The following FTCDNL1 variants were observed in gnomAD, a reference collection of about 807,000 sequenced individuals.
FTCDNL1 encodes formiminotransferase cyclodeaminase N-terminal like.
In FTCDNL1, 11 loss-of-function variants were observed where a neutral mutation model predicts 5.9. The ratio of observed to expected loss-of-function variants is 1.87; its 90% confidence interval spans 1.18 to 3.10. The LOEUF (loss-of-function observed/expected upper bound fraction) is 3.10. Among genes scored for constraint, FTCDNL1 ranks in the 30% most tolerant of loss-of-function variants. The pLI, the probability that FTCDNL1 is intolerant of heterozygous loss-of-function variation, is 0.00. For synonymous variants in FTCDNL1, 58 were observed against 24.8 expected (o/e 2.34, Z -3.99); for missense variants, 115 against 65.5 (o/e 1.76, Z -2.61).
At chr2:199,787,373 G>A (rs1187876168) in intron 3 of FTCDNL1, among the ~76,000 whole-genome samples, 2 of 151,846 alleles carry the variant, frequency 1.3e-5, no homozygotes, top group Admixed American at 1.3e-4. Context: ...TAGTAGAGAC[G>A]GGGTTTCACC....
Position 199,820,724 on chromosome 2 carries a change from T to TATC in FTCDNL1, c.212-970_212-968dup, listed in dbSNP as rs1334754930. Among the ~76,000 whole-genome samples, 31 of 152,220 alleles carry TATC rather than the reference T, an allele frequency of 2.0e-4. 1 individual carries two copies. Among genetic ancestry groups the TATC allele is most frequent in the Admixed American group, 2.0e-3 (31 of 15,278 alleles). Reference sequence around the variant, plus strand: ...TATCTGGATTCTCTGGATATGATTTTATCTTCTCAAGGCAAAATATAGAAT... The same window carrying TATC: ...TATCTGGATTCTCTGGATATGATTTTATCATCTTCTCAAGGCAAAATATAGAAT... On this transcript the variant is annotated intron_variant, in intron 3 of 4. Coordinates refer to ENST00000420128, the MANE Select transcript of FTCDNL1 (RefSeq NM_001363886.2).
intron 2 of FTCDNL1, among the ~76,000 whole-genome samples, chr2:199,848,630 C>T (rs1057369872): frequency 5.3e-5 from 8 of 152,194 alleles, no homozygotes; most frequent in African/African-American, 1.7e-4. Flanking sequence ...CGCTGCTGAG[C>T]GTATGCAGAC....
At chr2:199,806,940 G>T (rs943798216), downstream of FTCDNL1, among the ~76,000 whole-genome samples, 1 of 152,238 alleles carries the variant, frequency 6.6e-6, no homozygotes, top group African/African-American at 2.4e-5. Flanking sequence ...GTTGGTGAAA[G>T]GAGGGAGGGT....
intron 3 of FTCDNL1, among the ~76,000 whole-genome samples, chr2:199,783,505 A>G (rs1454352961): frequency 2.6e-5 from 4 of 152,152 alleles, no homozygotes; most frequent in Non-Finnish European, 5.9e-5. Flanking sequence ...ATTATCTCCA[A>G]GCTTCCTAGA....
chr2:199,699,055 A>T, the FTCDNL1 span, among the ~76,000 whole-genome samples: 1 of 152,224 alleles, frequency 6.6e-6, no homozygotes, highest in East Asian at 1.9e-4. Context: ...CAACTTTTCA[A>T]GATTGAATCA....
rs746885682 is a variant in FTCDNL1 at position 199,848,939 on chromosome 2, G to A, written c.24C>T (p.Leu8=). 1.4e-6 allele frequency: 1 copy of A among 702,194 alleles called. No individual in the cohort carries two copies. The highest frequency in any genetic ancestry group is 1.7e-5 in the African/African-American group (1 of 57,348). 43.5% of individuals were successfully genotyped at this position (702,194 alleles called of 1,614,324 possible). The change falls in exon 2 of 5, where the codon CTC becomes CTT. Residue 8 remains leucine (L), a synonymous_variant. Coordinates refer to ENST00000420128, the MANE Select transcript of FTCDNL1 (RefSeq NM_001363886.2). MSSSRVG[L]RLAACLLNVS... is the part of the protein sequence containing the mutation. ...CGTTTAGTAAACAGGCAGCCAAACGGAGCCCCACTCTGGAAGAAGACATGA... is the reference window on the plus strand; with the variant it reads ...CGTTTAGTAAACAGGCAGCCAAACGAAGCCCCACTCTGGAAGAAGACATGA...
intron 3 of FTCDNL1, among the ~76,000 whole-genome samples, chr2:199,765,532 T>TATATA (rs1553535894): frequency 1.1e-4 from 9 of 79,624 alleles, no homozygotes; most frequent in East Asian, 1.3e-3. Context: ...TTTGTCTTCA[T>TATATA]TATATATATA....
the FTCDNL1 span, among the ~76,000 whole-genome samples, chr2:199,706,159 C>A: frequency 6.6e-6 from 1 of 152,116 alleles, no homozygotes; most frequent in Non-Finnish European, 1.5e-5. Flanking sequence ...TGCTGCTATT[C>A]CCTGAATACA....
At chr2:199,739,114 T>A in the FTCDNL1 span, among the ~76,000 whole-genome samples, 1 of 152,224 alleles carries the variant, frequency 6.6e-6, no homozygotes, top group Non-Finnish European at 1.5e-5. Context: ...AATGTTTCCT[T>A]AAAGTGTATG....
rs900449769 is a variant in FTCDNL1 at position 199,809,739 on chromosome 2, C to T, written c.*2966G>A. ...AGTACTTCCTTGAAGTCATGCCCAA[C>T]ACCATCATGCCATCTCCCCAATATA... is the stretch of plus-strand genomic sequence containing the variant. On this transcript the variant is annotated 3_prime_UTR_variant, in exon 5 of 5. Coordinates refer to ENST00000420128, the MANE Select transcript of FTCDNL1 (RefSeq NM_001363886.2). Among the ~76,000 whole-genome samples, 9 of 152,200 alleles carry T rather than the reference C, an allele frequency of 5.9e-5. No individual in the cohort carries two copies. Among genetic ancestry groups the T allele is most frequent in the African/African-American group, 1.9e-4 (8 of 41,460 alleles).
chr2:199,803,191 CAAAAAAAA>C (rs71403491), intron 3 of FTCDNL1, among the ~76,000 whole-genome samples: 1 of 70,652 alleles, frequency 1.4e-5, no homozygotes, highest in Non-Finnish European at 2.6e-5. Flanking sequence ...AATACCGTCT[CAAAAAAAA>C]AAAAAAAAAA....
chr2:199,705,729 G>A, the FTCDNL1 span, among the ~76,000 whole-genome samples: 1 of 151,328 alleles, frequency 6.6e-6, no homozygotes. Flanking sequence ...TTATCAAGTT[G>A]AGCAAGTTTC....
At chr2:199,824,344 C>G (rs1387809367) in intron 3 of FTCDNL1, among the ~76,000 whole-genome samples, 2 of 152,238 alleles carry the variant, frequency 1.3e-5, no homozygotes, top group Non-Finnish European at 2.9e-5. Context: ...TTGGATTAGG[C>G]TTTGGCTTAA....
the FTCDNL1 span, among the ~76,000 whole-genome samples, chr2:199,664,478 A>C: frequency 5.9e-5 from 9 of 152,234 alleles, no homozygotes; most frequent in Middle Eastern, 3.2e-3. Flanking sequence ...AAAATATTCA[A>C]TTCTGCTTTA....
chr2:199,790,762 T>A (rs891565390), intron 3 of FTCDNL1, among the ~76,000 whole-genome samples: 1 of 152,138 alleles, frequency 6.6e-6, no homozygotes, highest in African/African-American at 2.4e-5. Flanking sequence ...TACTTTACAC[T>A]TGAGTGGCAA....
downstream of FTCDNL1, among the ~76,000 whole-genome samples, chr2:199,805,605 A>C (rs1430803527): frequency 6.6e-6 from 1 of 152,042 alleles, no homozygotes; most frequent in Non-Finnish European, 1.5e-5. Context: ...TGGGTGTGGC[A>C]GCGTGCGCCT....
At chr2:199,668,429 CT>C in the FTCDNL1 span, among the ~76,000 whole-genome samples, 2 of 152,102 alleles carry the variant, frequency 1.3e-5, no homozygotes, top group African/African-American at 4.8e-5. Context: ...TACAAGTAGA[CT>C]TTAATGATGC....
chr2:199,821,583 G>C (rs1701695632), intron 3 of FTCDNL1, among the ~76,000 whole-genome samples: 1 of 152,006 alleles, frequency 6.6e-6, no homozygotes, highest in South Asian at 2.1e-4. Flanking sequence ...TCCTGCCTCA[G>C]CCTCCAGAGT....
At chr2:199,783,964 A>T (rs769401414) in intron 3 of FTCDNL1, among the ~76,000 whole-genome samples, 2 of 152,164 alleles carry the variant, frequency 1.3e-5, no homozygotes, top group Admixed American at 1.3e-4. Context: ...ATTCAAGATG[A>T]TAAGTGCATC....
Sources: allele counts gnomAD v4.1 joint callset (sites outside exome capture counted in the v4.1 genomes callset), GRCh38; gene constraint gnomAD v4.1.1; transcripts MANE v1.5; gene names NCBI Gene and HGNC (gene_info 2026-07-23, HGNC 2026-07-21).